The following GALNT13 variants were observed in gnomAD, a reference collection of about 807,000 sequenced individuals.
GALNT13 encodes polypeptide N-acetylgalactosaminyltransferase 13, also known as UDP-GalNAc:polypeptide N-acetylgalactosaminyltransferase 13.
In GALNT13, 28 loss-of-function variants were observed where a neutral mutation model predicts 64.2. That is an observed-to-expected ratio of 0.44 (90% CI 0.32 to 0.60). The LOEUF (loss-of-function observed/expected upper bound fraction) is 0.60, where lower values mean the gene tolerates loss of function less well. Ranked by LOEUF, GALNT13 falls within the 20% of genes least tolerant of loss-of-function variation. GALNT13 has a pLI of 0.05. For missense variants in GALNT13, 577 were observed against 669.8 expected (o/e 0.86, Z 1.53); for synonymous variants, 214 against 224.6 (o/e 0.95, Z 0.42).
the GALNT13 span, among the ~76,000 whole-genome samples, chr2:153,369,968 G>A: frequency 0.034 from 5,102 of 152,208 alleles, 289 homozygotes; most frequent in African/African-American, 0.12. Context: ...GTTCCTGACT[G>A]TAACAAGTAT....
chr2:153,434,770 T>G, the GALNT13 span, among the ~76,000 whole-genome samples: 13 of 152,108 alleles, frequency 8.5e-5, no homozygotes, highest in Admixed American at 3.9e-4. Flanking sequence ...TGTCTCCCAT[T>G]TTGTAGGTTG....
At chr2:154,208,643 TG>T (rs1405246987) in intron 4 of GALNT13, among the ~76,000 whole-genome samples, 18 of 139,726 alleles carry the variant, frequency 1.3e-4, no homozygotes, top group African/African-American at 4.9e-4. Context: ...TGTGTGTGTG[TG>T]TGTGTGTGTG....
At chr2:154,065,845 G>A (rs555312833) in intron 3 of GALNT13, among the ~76,000 whole-genome samples, 1 of 152,272 alleles carries the variant, frequency 6.6e-6, no homozygotes, top group African/African-American at 2.4e-5. Context: ...CAAGAATCAA[G>A]ACCATCCAGG....
intron 3 of GALNT13, among the ~76,000 whole-genome samples, chr2:154,031,213 A>G (rs1277938000): frequency 6.6e-6 from 1 of 152,126 alleles, no homozygotes; most frequent in East Asian, 1.9e-4. Context: ...TTGGGAGTTG[A>G]CTAAAGATAT....
intron 1 of GALNT13, among the ~76,000 whole-genome samples, chr2:153,898,746 G>T (rs1243592515): frequency 1.3e-5 from 2 of 151,070 alleles, no homozygotes; most frequent in Admixed American, 6.6e-5. Context: ...CCAATCAATA[G>T]CATGTGATTA....
the GALNT13 span, among the ~76,000 whole-genome samples, chr2:153,215,155 G>C: frequency 6.6e-6 from 1 of 151,902 alleles, no homozygotes. Context: ...CATATAATTT[G>C]TACCAGACAT....
the GALNT13 span, among the ~76,000 whole-genome samples, chr2:153,777,520 C>G: frequency 3.3e-5 from 5 of 152,186 alleles, no homozygotes; most frequent in Admixed American, 2.6e-4. Context: ...AGAAAAGAGG[C>G]AGCTAGGGGA....
At chr2:153,542,709 G>A in the GALNT13 span, among the ~76,000 whole-genome samples, 87,303 of 152,092 alleles carry the variant, frequency 0.57, 28,232 homozygotes, top group African/African-American at 0.86. Context: ...GGTTTTTGTT[G>A]AAAACTGAAA....
chr2:153,870,164 A>G (rs1443051139), upstream of GALNT13, among the ~76,000 whole-genome samples: 1 of 152,096 alleles, frequency 6.6e-6, no homozygotes, highest in Non-Finnish European at 1.5e-5. Context: ...GTTGGGGCTA[A>G]TAAGTTTTGG....
the GALNT13 span, among the ~76,000 whole-genome samples, chr2:153,840,077 A>C: frequency 6.6e-6 from 1 of 152,096 alleles, no homozygotes; most frequent in East Asian, 1.9e-4. Context: ...GGCACATTGT[A>C]GTTATTGCTT....
At chr2:154,351,938 T>C (rs555875398) in intron 9 of GALNT13, among the ~76,000 whole-genome samples, 21 of 152,294 alleles carry the variant, frequency 1.4e-4, no homozygotes, top group Admixed American at 8.5e-4. Flanking sequence ...TCATTTTTCT[T>C]TGAAACAAAC....
chr2:154,151,127 GT>G (rs535568058), intron 4 of GALNT13, among the ~76,000 whole-genome samples: 44 of 152,252 alleles, frequency 2.9e-4, no homozygotes, highest in Non-Finnish European at 4.0e-4. Flanking sequence ...CTGGTATGTT[GT>G]GTCTTTGTTC....
At chr2:153,695,721 G>T in the GALNT13 span, among the ~76,000 whole-genome samples, 3 of 137,594 alleles carry the variant, frequency 2.2e-5, no homozygotes, top group South Asian at 6.6e-4. Flanking sequence ...TTTTATAAAT[G>T]TTGATTAACT....
chr2:153,526,158 G>C, the GALNT13 span, among the ~76,000 whole-genome samples: 1,865 of 152,370 alleles, frequency 0.012, 39 homozygotes, highest in African/African-American at 0.042. Flanking sequence ...CACAGGCCTG[G>C]CTGGCTTTGC....
At chr2:154,317,649 G>T (rs1332451008) in intron 9 of GALNT13, among the ~76,000 whole-genome samples, 1 of 152,116 alleles carries the variant, frequency 6.6e-6, no homozygotes, top group Non-Finnish European at 1.5e-5. Context: ...CATGGGACAG[G>T]AATCTTTGAA....
At chr2:153,623,691 A>G in the GALNT13 span, among the ~76,000 whole-genome samples, 16 of 152,098 alleles carry the variant, frequency 1.1e-4, no homozygotes, top group South Asian at 3.1e-3. Context: ...GCTTCAGTTT[A>G]TTTAAAATTT....
chr2:153,751,033 T>A, the GALNT13 span, among the ~76,000 whole-genome samples: 1 of 151,902 alleles, frequency 6.6e-6, no homozygotes, highest in African/African-American at 2.4e-5. Flanking sequence ...TTTCAAGAAA[T>A]TTTTTAGTTT....
At chr2:153,646,006 G>C in the GALNT13 span, among the ~76,000 whole-genome samples, 6 of 152,060 alleles carry the variant, frequency 3.9e-5, no homozygotes, top group African/African-American at 1.2e-4. Flanking sequence ...CTTGACCCCT[G>C]TTTTGTGAGG....
At position 154,327,907 on chromosome 2, in the gene GALNT13, C is replaced by G. The variant is rs139055277; in HGVS notation, c.1156+26318C>G. ...TTTAAGTTTTCCCTTCAAATTTTAT[C>G]AATTGTCATACAAGATATAATTTCA... On this transcript the variant is annotated intron_variant, in intron 9 of 12. Transcript: ENST00000392825. Among the ~76,000 whole-genome samples the G allele has an allele frequency of 9.5e-3, 1,451 of 152,140 alleles. 24 individuals carry two copies. The highest frequency in any genetic ancestry group is 0.033 in the African/African-American group (1,366 of 41,524).
Sources: allele counts gnomAD v4.1 joint callset (sites outside exome capture counted in the v4.1 genomes callset), GRCh38; gene constraint gnomAD v4.1.1; transcripts MANE v1.5; gene names NCBI Gene and HGNC (gene_info 2026-07-23, HGNC 2026-07-21).